The following PDZRN3 variants were observed in gnomAD, a reference collection of about 807,000 sequenced individuals.
The protein encoded by PDZRN3 is E3 ubiquitin-protein ligase PDZRN3.
In PDZRN3, 38 loss-of-function variants were observed where a neutral mutation model predicts 85.7. The ratio of observed to expected loss-of-function variants is 0.44; its 90% CI spans 0.34 to 0.58. The LOEUF is 0.58. PDZRN3 is among the 20% of genes least tolerant of loss of function. The pLI is 0.01. For synonymous variants in PDZRN3, 759 were observed against 638.0 expected, an observed-to-expected ratio of 1.19 and a Z score of -2.86; for missense variants, 1,629 against 1,506.4, an observed-to-expected ratio of 1.08 and a Z score of -1.35.
chr3:73,569,584 A>G, intron 3 of PDZRN3: 1 of 1,025,938 alleles, frequency 9.7e-7, no homozygotes, highest in Non-Finnish European at 1.2e-6. Flanking sequence ...TGACAGACAC[A>G]GAGGACAGAC....
chr3:73,464,148 G>A (rs62246078), intron 3 of PDZRN3, among the ~76,000 whole-genome samples: 7,315 of 152,092 alleles, frequency 0.048, 252 homozygotes, highest in Non-Finnish European at 0.075. Context: ...ACCACACCCA[G>A]CTATTTTTTT....
At chr3:73,502,274 C>A (rs1171631830) in intron 3 of PDZRN3, among the ~76,000 whole-genome samples, 1 of 152,078 alleles carries the variant, frequency 6.6e-6, no homozygotes, top group South Asian at 2.1e-4. Context: ...AGGTATAAAA[C>A]CTTTTGTTTG....
chr3:73,554,762 T>C (rs938601652), intron 3 of PDZRN3, among the ~76,000 whole-genome samples: 1 of 152,212 alleles, frequency 6.6e-6, no homozygotes, highest in African/African-American at 2.4e-5. Flanking sequence ...AGTGTCTTGG[T>C]AATTTATCCG....
At chr3:73,398,310 A>C (rs1404193606) in intron 5 of PDZRN3, among the ~76,000 whole-genome samples, 2 of 152,288 alleles carry the variant, frequency 1.3e-5, no homozygotes, top group East Asian at 3.9e-4. Context: ...CAGTGAATGA[A>C]AGGCACCACA....
intron 3 of PDZRN3, among the ~76,000 whole-genome samples, chr3:73,581,836 C>T (rs1178753148): frequency 6.6e-6 from 1 of 150,642 alleles, no homozygotes; most frequent in Non-Finnish European, 1.5e-5. Context: ...TGGTGGCTCA[C>T]ATCTGTAATC....
chr3:73,499,022 C>A (rs922200683), intron 3 of PDZRN3, among the ~76,000 whole-genome samples: 9 of 152,140 alleles, frequency 5.9e-5, no homozygotes, highest in Non-Finnish European at 4.4e-5. Context: ...AGGCTCTGTT[C>A]CTGCCTGAGA....
chr3:73,385,909 T>C (rs545983226), intron 8 of PDZRN3, 124 bp from the exon 9 acceptor site: 1 of 645,026 alleles, frequency 1.6e-6, no homozygotes, highest in East Asian at 2.7e-5. Context: ...GTCATCAAAA[T>C]GCAGTCTGCC....
At chr3:73,514,329 C>T (rs115191067) in intron 3 of PDZRN3, among the ~76,000 whole-genome samples, 376 of 152,238 alleles carry the variant, frequency 2.5e-3, no homozygotes, top group African/African-American at 8.6e-3. Flanking sequence ...GGATGAATTA[C>T]GCAAATGGAC....
At chr3:73,524,637 A>G (rs1210243456) in intron 3 of PDZRN3, among the ~76,000 whole-genome samples, 1 of 152,084 alleles carries the variant, frequency 6.6e-6, no homozygotes, top group African/African-American at 2.4e-5. Context: ...CTAATAAAAG[A>G]GATTTTTTTT....
chr3:73,555,240 C>A (rs1701666890), intron 3 of PDZRN3, among the ~76,000 whole-genome samples: 1 of 152,070 alleles, frequency 6.6e-6, no homozygotes, highest in Admixed American at 6.5e-5. Flanking sequence ...CTAGAACAAG[C>A]ACTAGTTACT....
At chr3:73,433,602 CCTATGCACTT>C in intron 3 of PDZRN3, 1 of 1,376,544 alleles carries the variant, frequency 7.3e-7, no homozygotes, top group Non-Finnish European at 1.0e-6. Context: ...CAGGTGGGTG[CCTATGCACTT>C]CTATGGAATA....
At chr3:73,584,882 A>C (rs1702256793) in intron 3 of PDZRN3, among the ~76,000 whole-genome samples, 1 of 152,208 alleles carries the variant, frequency 6.6e-6, no homozygotes, top group Admixed American at 6.5e-5. Context: ...ACCCACTAAA[A>C]ACATCCATTT....
intron 3 of PDZRN3, among the ~76,000 whole-genome samples, chr3:73,565,786 A>AACACACACACACAC (rs61564723): frequency 1.1e-4 from 4 of 37,914 alleles, no homozygotes; most frequent in African/African-American, 1.9e-4. Context: ...AAAAATACAA[A>AACACACACACACAC]ACACACACAC....
chr3:73,501,669 T>A (rs1703981590), intron 3 of PDZRN3, among the ~76,000 whole-genome samples: 1 of 152,170 alleles, frequency 6.6e-6, no homozygotes, highest in South Asian at 2.1e-4. Flanking sequence ...GCTCTCTAGC[T>A]CCATATTTGG....
intron 3 of PDZRN3, among the ~76,000 whole-genome samples, chr3:73,455,600 C>T (rs952060961): frequency 6.6e-6 from 1 of 152,180 alleles, no homozygotes; most frequent in Non-Finnish European, 1.5e-5. Flanking sequence ...TTCTCACTTG[C>T]AAAACAGATA....
chr3:73,470,699 G>T (rs1703319640), intron 3 of PDZRN3, among the ~76,000 whole-genome samples: 1 of 152,170 alleles, frequency 6.6e-6, no homozygotes, highest in Non-Finnish European at 1.5e-5. Context: ...GCCACAGGTG[G>T]AGTGAAATCT....
intron 2 of PDZRN3, among the ~76,000 whole-genome samples, chr3:73,606,572 C>T (rs1192622504): frequency 6.6e-6 from 1 of 152,166 alleles, no homozygotes; most frequent in Non-Finnish European, 1.5e-5. Context: ...ATACCAACCT[C>T]ACGCGGTTCT....
rs80037654 is a variant in PDZRN3, at chr3:73,565,914, G to A, written c.918+36440C>T. 5.3e-3 allele frequency among the ~76,000 whole-genome samples: 813 copies of A among 152,062 alleles called. 7 individuals are homozygous for A. Among genetic ancestry groups the A allele is most frequent in the African/African-American group, 0.019 (785 of 41,446 alleles). On this transcript the variant is annotated intron_variant, in intron 3 of 9. Coordinates refer to ENST00000263666, the MANE Select transcript of PDZRN3 (RefSeq NM_015009.3). ...GTCTTCATTCTTCAAACCAATTCCT[G>A]AGGCTTATCCTGTGCGATAAGGATT...
intron 3 of PDZRN3, among the ~76,000 whole-genome samples, chr3:73,423,800 AGGC>A (rs1433593161): frequency 6.6e-6 from 1 of 152,194 alleles, no homozygotes; most frequent in Non-Finnish European, 1.5e-5. Flanking sequence ...GGGGTAGTGG[AGGC>A]TTTTAATAAA....
Sources: allele counts gnomAD v4.1 joint callset (sites outside exome capture counted in the v4.1 genomes callset), GRCh38; gene constraint gnomAD v4.1.1; transcripts MANE v1.5; gene names NCBI Gene and HGNC (gene_info 2026-07-23, HGNC 2026-07-21).